The following ZBTB46 variants were observed in gnomAD, a reference collection of about 807,000 sequenced individuals.
ZBTB46 encodes zinc finger and BTB domain containing 46.
In ZBTB46, 8 loss-of-function variants were observed where a neutral mutation model predicts 44.1. The observed-to-expected ratio is 0.18, with a 90% confidence interval of 0.11 to 0.33. The LOEUF (loss-of-function observed/expected upper bound fraction) is 0.33, where lower values mean the gene tolerates loss of function less well. ZBTB46 is among the 10% of genes least tolerant of loss of function. The probability of loss-of-function intolerance (pLI) is 1.00; values close to 1 mark genes in which losing one functional copy is unlikely to be tolerated. For synonymous variants in ZBTB46, 409 were observed against 382.3 expected, an observed-to-expected ratio of 1.07 and a Z score of -0.81; for missense variants, 651 against 847.7, an observed-to-expected ratio of 0.77 and a Z score of 2.88.
At chr20:63,762,499 C>T (rs1257178900) in intron 3 of ZBTB46, among the ~76,000 whole-genome samples, 2 of 151,906 alleles carry the variant, frequency 1.3e-5, no homozygotes, top group African/African-American at 4.8e-5. Flanking sequence ...TAAAAATACA[C>T]AAAAAATGAG....
At chr20:63,773,977 C>T (rs2092398243) in intron 3 of ZBTB46, among the ~76,000 whole-genome samples, 1 of 151,506 alleles carries the variant, frequency 6.6e-6, no homozygotes, top group Non-Finnish European at 1.5e-5. Flanking sequence ...ATCACAAACA[C>T]TCTGCCTGCA....
At chr20:63,793,834 T>C (rs1179729329) in intron 1 of ZBTB46, among the ~76,000 whole-genome samples, 1 of 152,140 alleles carries the variant, frequency 6.6e-6, no homozygotes, top group Non-Finnish European at 1.5e-5. Flanking sequence ...AAATCAGTTA[T>C]ATACTCAGAG....
At chr20:63,761,097 C>T (rs1259404796) in intron 3 of ZBTB46, among the ~76,000 whole-genome samples, 1 of 147,504 alleles carries the variant, frequency 6.8e-6, no homozygotes, top group Non-Finnish European at 1.5e-5. Flanking sequence ...CTCCCAGGTT[C>T]AAGCAATTCT....
rs944764112 is a variant in ZBTB46, at chr20:63,752,939, C to G, written c.1223-78G>C. Reference sequence around the variant, plus strand: ...GCGGCCCACAGACCACGGCTGCACGCCGCAGCCCAGCAGCCAGGACGGGCT... The same window carrying G: ...GCGGCCCACAGACCACGGCTGCACGGCGCAGCCCAGCAGCCAGGACGGGCT... On this transcript the variant is annotated intron_variant, in intron 3 of 4. Transcript: ENST00000245663. This position sits in a 1 kb window ranked among gnomAD's most constrained non-coding sequence, Gnocchi z 5.6. 1.4e-6 allele frequency: 2 copies of G among 1,470,630 alleles called. No individual in the cohort carries two copies. The highest frequency in any genetic ancestry group is 1.8e-6 in the Non-Finnish European group (2 of 1,099,336). 91.1% of individuals were successfully genotyped at this position (1,470,630 alleles called of 1,614,324 possible).
Position 63,831,141 on chromosome 20 carries a change from C to T in ZBTB46, c.-78G>A, listed in dbSNP as rs1220845770. The T allele has an allele frequency of 1.4e-5, 2 of 141,874 alleles. No homozygotes were observed. The highest frequency in any genetic ancestry group is 2.1e-4 in the East Asian group (1 of 4,660). The allele number at this position is 141,874 out of a possible 1,614,324, so 8.8% of individuals were successfully genotyped here. On this transcript the variant is annotated 5_prime_UTR_variant, in exon 1 of 5. Transcript: ENST00000245663. ...GGGCGAGGGCGGGCGCCGCGGCCGC[C>T]GGGCCGGCGCCGGTGATCGCCGCCG... is the stretch of plus-strand genomic sequence containing the variant.
At chr20:63,805,819 G>A (rs1035133285) in intron 1 of ZBTB46, among the ~76,000 whole-genome samples, 2 of 151,566 alleles carry the variant, frequency 1.3e-5, no homozygotes, top group Admixed American at 6.6e-5. Flanking sequence ...GCAGTGGCAC[G>A]ATCTCGGCTC....
At chr20:63,785,367 C>G (rs1568866129) in intron 2 of ZBTB46, among the ~76,000 whole-genome samples, 2 of 151,646 alleles carry the variant, frequency 1.3e-5, no homozygotes, top group Non-Finnish European at 1.5e-5. Context: ...TCGAGACAAG[C>G]CTGGCCAATA....
intron 3 of ZBTB46, among the ~76,000 whole-genome samples, chr20:63,754,045 A>G (rs1317581166): frequency 2.0e-5 from 3 of 152,204 alleles, no homozygotes; most frequent in African/African-American, 7.2e-5. Flanking sequence ...AGGCAGCTCT[A>G]ACAGGAAACT....
rs766181953 is a variant in ZBTB46, at chr20:63,790,138, C to A, written c.620G>T (p.Gly207Val). 2.5e-6 allele frequency: 4 copies of A among 1,613,998 alleles called. No homozygotes were observed. Among genetic ancestry groups the A allele is most frequent in the Non-Finnish European group, 2.5e-6 (3 of 1,180,042 alleles). ...AGGCTGTGAAGAAACATCATCAGGG[C>A]CATCGGCCTTGGGCTCCTGATCCTC... Reference protein sequence around the residue: ...GKEDQEPKADGPDDVSSQPLW... With the variant: ...GKEDQEPKADVPDDVSSQPLW... Residue 207 changes from glycine to valine, a missense_variant, in exon 2 of 5, where the codon GGC becomes GTC. Transcript: ENST00000245663.
At chr20:63,818,914 C>T (rs1325557220) in intron 1 of ZBTB46, among the ~76,000 whole-genome samples, 1 of 150,518 alleles carries the variant, frequency 6.6e-6, no homozygotes, top group Admixed American at 6.6e-5. Flanking sequence ...GTGGCTCAAG[C>T]CTGTAATCCC....
At chr20:63,816,813 G>A (rs1362622286) in intron 1 of ZBTB46, among the ~76,000 whole-genome samples, 1 of 152,128 alleles carries the variant, frequency 6.6e-6, no homozygotes, top group Non-Finnish European at 1.5e-5. Context: ...AAAAGAAAAG[G>A]AAAAGGCCAG....
At chr20:63,811,202 G>C (rs1266918103) in intron 1 of ZBTB46, among the ~76,000 whole-genome samples, 2 of 150,924 alleles carry the variant, frequency 1.3e-5, no homozygotes, top group Non-Finnish European at 3.0e-5. Context: ...CAGCCCACAG[G>C]GGCGAGTCTG....
chr20:63,804,315 G>A (rs564904896), intron 1 of ZBTB46, among the ~76,000 whole-genome samples: 1 of 152,176 alleles, frequency 6.6e-6, no homozygotes, highest in South Asian at 2.1e-4. Context: ...GGAGGGGGCC[G>A]GGGCAGCTGA....
chr20:63,809,441 T>C (rs545443852), intron 1 of ZBTB46, among the ~76,000 whole-genome samples: 5 of 152,300 alleles, frequency 3.3e-5, no homozygotes, highest in African/African-American at 1.2e-4. Context: ...ACAGGAGCCC[T>C]GAGCCCAGAA....
chr20:63,820,698 C>T (rs1397155662), intron 1 of ZBTB46, among the ~76,000 whole-genome samples: 2 of 152,034 alleles, frequency 1.3e-5, no homozygotes, highest in Admixed American at 6.6e-5. Flanking sequence ...TTCCAAAGTT[C>T]TGGGATTACA....
intron 1 of ZBTB46, among the ~76,000 whole-genome samples, chr20:63,826,953 G>A (rs1178561989): frequency 1.3e-5 from 2 of 152,124 alleles, no homozygotes; most frequent in African/African-American, 2.4e-5. Context: ...AATATGACTC[G>A]CTCCACCAGG....
At chr20:63,775,584 G>A in intron 3 of ZBTB46, 94 bp downstream of exon 3, 1 of 1,465,840 alleles carries the variant, frequency 6.8e-7, no homozygotes, top group Non-Finnish European at 9.1e-7. Context: ...AGCAGGGACA[G>A]ACCCTCAGCC....
chr20:63,747,588 C>T (rs2145747072), intron 4 of ZBTB46, among the ~76,000 whole-genome samples: 1 of 139,306 alleles, frequency 7.2e-6, no homozygotes, highest in South Asian at 2.3e-4. Context: ...GGGGCACAGC[C>T]TCCCGGGCCC....
intron 1 of ZBTB46, among the ~76,000 whole-genome samples, chr20:63,825,714 C>T (rs1234798577): frequency 6.6e-6 from 1 of 152,198 alleles, no homozygotes; most frequent in East Asian, 1.9e-4. Flanking sequence ...CTTCGAGTTT[C>T]TTCATAACTC....
Sources: allele counts gnomAD v4.1 joint callset (sites outside exome capture counted in the v4.1 genomes callset), GRCh38; gene constraint gnomAD v4.1.1; non-coding constraint Gnocchi (gnomAD v3.1); transcripts MANE v1.5; gene names NCBI Gene and HGNC (gene_info 2026-07-23, HGNC 2026-07-21).